Variants in MAP6 observed in about 807,000 individuals in gnomAD.
MAP6 encodes the protein microtubule associated protein 6.
MAP6 carries 26 observed loss-of-function variants against 42.4 expected under a neutral mutation model. The ratio of observed to expected loss-of-function variants is 0.61; its 90% CI spans 0.45 to 0.85. MAP6 has a LOEUF of 0.85. MAP6 is among the 40% of genes least tolerant of loss of function. MAP6 has a pLI of 0.00. For missense variants in MAP6, 966 were observed against 1,099.0 expected (o/e 0.88, Z 1.71); for synonymous variants, 418 against 443.8 (o/e 0.94, Z 0.73).
At chr11:75,640,645 C>T (rs1054520374) in intron 1 of MAP6, among the ~76,000 whole-genome samples, 2 of 152,104 alleles carry the variant, frequency 1.3e-5, no homozygotes, top group African/African-American at 4.8e-5. Context: ...AAGAAAAAAA[C>T]AAACAACCAC....
rs190097201 is a variant in MAP6 at position 75,622,394 on chromosome 11, G to A, written c.906-14072C>T. ...CAAAGTTCTGAGATTACATGTATGA[G>A]CCACTGCACTCAGCCAGTAATAAAT... On this transcript the variant is annotated intron_variant, in intron 1 of 3. Transcript: ENST00000304771. 2.6e-3 allele frequency among the ~76,000 whole-genome samples: 399 copies of A among 152,250 alleles called. 2 individuals are homozygous for A. Among genetic ancestry groups the A allele is most frequent in the African/African-American group, 9.3e-3 (388 of 41,534 alleles).
chr11:75,612,825 T>C (rs1348045084), intron 1 of MAP6, among the ~76,000 whole-genome samples: 1 of 152,184 alleles, frequency 6.6e-6, no homozygotes, highest in Non-Finnish European at 1.5e-5. Flanking sequence ...TCCAGGAACC[T>C]CTCCTGGGTT....
At position 75,587,564 on chromosome 11, in the gene MAP6, T is replaced by A. The variant is rs753189688; in HGVS notation, c.1937A>T (p.His646Leu). 3 of 1,614,054 alleles carry A rather than the reference T, an allele frequency of 1.9e-6. No homozygotes were observed. Among genetic ancestry groups the A allele is most frequent in the Non-Finnish European group, 2.5e-6 (3 of 1,180,030 alleles). Residue 646 changes from histidine to leucine, a missense_variant, in exon 4 of 4, where the codon CAT becomes CTT. By Grantham distance (99) the His-to-Leu change is moderately conservative. Around this residue, in one of 2 missense-constraint regions of MAP6, gnomAD observed 943 missense variants for 1,049.9 expected, o/e 0.90. Transcript: ENST00000304771. Reference sequence around the variant, plus strand: ...GGCCATGGCACTTTCATCCTTCGGATGCTCTGGGACCATGGGATCTTGATC... The same window carrying A: ...GGCCATGGCACTTTCATCCTTCGGAAGCTCTGGGACCATGGGATCTTGATC... Reference protein sequence around the residue: ...IKDQDPMVPEHPKDESAMATA... With the variant: ...IKDQDPMVPELPKDESAMATA...
chr11:75,606,538 G>A (rs1942778867), intron 2 of MAP6, among the ~76,000 whole-genome samples: 2 of 152,134 alleles, frequency 1.3e-5, no homozygotes, highest in Admixed American at 1.3e-4. Context: ...ACCCACAATG[G>A]ATATTAATGA....
At chr11:75,660,310 A>G (rs1288031347) in intron 1 of MAP6, among the ~76,000 whole-genome samples, 2 of 152,198 alleles carry the variant, frequency 1.3e-5, no homozygotes, top group African/African-American at 4.8e-5. Flanking sequence ...CTATATTTAC[A>G]GCCCAGGCCT....
intron 1 of MAP6, among the ~76,000 whole-genome samples, chr11:75,665,588 G>T (rs1943933102): frequency 6.6e-6 from 1 of 152,148 alleles, no homozygotes; most frequent in African/African-American, 2.4e-5. Flanking sequence ...GGCCAGACGT[G>T]GGCTTCTCAG....
chr11:75,613,933 A>G (rs1456993670), intron 1 of MAP6, among the ~76,000 whole-genome samples: 2 of 152,194 alleles, frequency 1.3e-5, no homozygotes, highest in East Asian at 1.9e-4. Context: ...ACCTTTGAAC[A>G]GCCATATAGT....
intron 1 of MAP6, among the ~76,000 whole-genome samples, chr11:75,647,005 G>C (rs898349669): frequency 6.8e-6 from 1 of 147,172 alleles, no homozygotes; most frequent in African/African-American, 2.5e-5. Context: ...TTTTGAGACA[G>C]AGTCTTGCTC....
chr11:75,595,036 A>G (rs1456252577), intron 3 of MAP6, among the ~76,000 whole-genome samples: 2 of 152,240 alleles, frequency 1.3e-5, no homozygotes, highest in Admixed American at 1.3e-4. Context: ...GCAAAACTCC[A>G]GAAGCCAAAT....
intron 1 of MAP6, among the ~76,000 whole-genome samples, chr11:75,631,923 G>A (rs1943290595): frequency 6.6e-6 from 1 of 152,222 alleles, no homozygotes; most frequent in Non-Finnish European, 1.5e-5. Context: ...TGGACACCAA[G>A]TTTGTGAGTA....
intron 1 of MAP6, among the ~76,000 whole-genome samples, chr11:75,653,447 T>C (rs1036420781): frequency 1.3e-5 from 2 of 152,244 alleles, no homozygotes; most frequent in East Asian, 1.9e-4. Context: ...CTCGAGTTTG[T>C]ACACAATTAA....
chr11:75,615,168 G>C (rs1942975302), intron 1 of MAP6, among the ~76,000 whole-genome samples: 2 of 152,162 alleles, frequency 1.3e-5, no homozygotes, highest in African/African-American at 2.4e-5. Flanking sequence ...TGGAACCTGG[G>C]CCAGATGATG....
chr11:75,643,240 A>G (rs1943505002), intron 1 of MAP6, among the ~76,000 whole-genome samples: 1 of 150,896 alleles, frequency 6.6e-6, no homozygotes, highest in African/African-American at 2.4e-5. Flanking sequence ...ATATAAATAT[A>G]TAAATTTTTT....
intron 1 of MAP6, among the ~76,000 whole-genome samples, chr11:75,610,494 G>A (rs1942877009): frequency 6.6e-6 from 1 of 152,352 alleles, no homozygotes; most frequent in East Asian, 1.9e-4. Flanking sequence ...CAGGCAGTGT[G>A]GGTGGCTGGG....
chr11:75,602,667 G>A (rs1483333049), intron 3 of MAP6, among the ~76,000 whole-genome samples: 1 of 152,078 alleles, frequency 6.6e-6, no homozygotes, highest in Admixed American at 6.6e-5. Flanking sequence ...GTCCATCTTC[G>A]CTTTCCCAAA....
chr11:75,621,362 A>C (rs1441160573), intron 1 of MAP6, among the ~76,000 whole-genome samples: 1 of 152,212 alleles, frequency 6.6e-6, no homozygotes, highest in East Asian at 1.9e-4. Flanking sequence ...CAATCTAGCA[A>C]TAGAGGGGAA....
In MAP6 at chr11:75,668,081, C is replaced by T; in HGVS notation, c.289G>A (p.Ala97Thr). 2.5e-6 allele frequency: 3 copies of T among 1,218,902 alleles called. No individual in the cohort carries two copies. The highest frequency in any genetic ancestry group is 2.0e-6 in the Non-Finnish European group (2 of 982,768). 75.5% of individuals were successfully genotyped at this position (1,218,902 alleles called of 1,614,324 possible). ...PGPTGEREPA[A>T]GPGRSGPGPG... ...CCCGGCCCGCTCCGGCCGGGGCCCG[C>T]CGCCGGCTCGCGCTCGCCGGTAGGC... is the stretch of plus-strand genomic sequence containing the variant. Residue 97 changes from alanine to threonine, a missense_variant, in exon 1 of 4, where the codon GCG (alanine) becomes ACG (threonine). Around this residue, in one of 2 missense-constraint regions of MAP6, gnomAD observed 943 missense variants for 1,049.9 expected, o/e 0.90. Transcript: ENST00000304771.
intron 1 of MAP6, among the ~76,000 whole-genome samples, chr11:75,643,212 T>C (rs1943504009): frequency 6.6e-6 from 1 of 150,546 alleles, no homozygotes; most frequent in East Asian, 1.9e-4. Context: ...TTATTATGTA[T>C]GTGTTTTATA....
intron 3 of MAP6, among the ~76,000 whole-genome samples, chr11:75,599,516 G>A (rs1305120086): frequency 2.0e-5 from 3 of 152,172 alleles, no homozygotes; most frequent in African/African-American, 7.2e-5. Flanking sequence ...ACTGTGTATT[G>A]GCTGTGATAA....
Sources: allele counts gnomAD v4.1 joint callset (sites outside exome capture counted in the v4.1 genomes callset), GRCh38; gene constraint gnomAD v4.1.1; regional missense constraint gnomAD v4.1.1; transcripts MANE v1.5; gene names NCBI Gene and HGNC (gene_info 2026-07-23, HGNC 2026-07-21).